The following NR5A1 variants were observed in gnomAD, a reference collection of about 807,000 sequenced individuals.
NR5A1 encodes steroidogenic factor 1.
A neutral mutation model predicts 42.7 loss-of-function variants in NR5A1; 6 were observed. The ratio of observed to expected loss-of-function variants is 0.14; its 90% CI spans 0.08 to 0.28. The LOEUF is 0.28. Among genes scored for constraint, NR5A1 ranks in the 10% least tolerant of loss-of-function variants. The pLI is 1.00. For missense variants in NR5A1, 442 were observed against 626.4 expected, an observed-to-expected ratio of 0.71 and a Z score of 3.14; for synonymous variants, 274 against 277.5, an observed-to-expected ratio of 0.99 and a Z score of 0.12.
At chr9:124,491,015 T>TCTGGCC in intron 6 of NR5A1, 66 bp downstream of exon 6, 18 of 634,814 alleles carry the variant, frequency 2.8e-5, no homozygotes, top group Non-Finnish European at 4.4e-5. Context: ...CTCTCCAGCC[T>TCTGGCC]CACCCACCCT....
rs557884806 is a variant in NR5A1, at chr9:124,503,616, C to T, written c.-15-206G>A. Reference sequence around the variant, plus strand: ...CGCGCCCGGCCTTCCCCTGCCAGGCCCCACGCTCCCGCCCCGTCCGGGGGG... The same window carrying T: ...CGCGCCCGGCCTTCCCCTGCCAGGCTCCACGCTCCCGCCCCGTCCGGGGGG... On this transcript the variant is annotated intron_variant, in intron 1 of 6. Transcript: ENST00000373588. The surrounding 1 kb of genome is among the most constrained non-coding windows in gnomAD (Gnocchi z 9.6). 5.8e-4 allele frequency among the ~76,000 whole-genome samples: 88 copies of T among 152,232 alleles called. 1 individual carries two copies. The South Asian group carries it at 0.018, about 30-fold the overall frequency.
At chr9:124,490,762 C>A (rs1223795535) in intron 6 of NR5A1, among the ~76,000 whole-genome samples, 1 of 151,926 alleles carries the variant, frequency 6.6e-6, no homozygotes, top group East Asian at 1.9e-4. Context: ...GGGTCCAGGC[C>A]CCCAGGAGGT....
chr9:124,506,413 AGGT>A lies in NR5A1; in HGVS notation c.-16+833_-16+835del, dbSNP rs1196807765. Among the ~76,000 whole-genome samples the A allele has an allele frequency of 2.0e-5, 3 of 152,254 alleles. No individual in the cohort carries two copies. In the East Asian group the frequency reaches 5.8e-4, roughly 29 times the overall value. On this transcript the variant is annotated intron_variant, in intron 1 of 6. Transcript: ENST00000373588. ...AAACAAGAGCATCTGCCCGAGCTGG[AGGT>A]GGGGGTCACTGCCGCCTCTGAACAG... is the stretch of plus-strand genomic sequence containing the variant.
Position 124,493,162 on chromosome 9 carries a change from G to A in NR5A1, c.871-13C>T, listed in dbSNP as rs189724865. ...TCTGGTCGGCCACCTGGAAGGAAGA[G>A]GCACGCGGGGGGCCGGGCTCCAGCC... On this transcript the variant is annotated splice_polypyrimidine_tract_variant and intron_variant, in intron 4 of 6. Transcript: ENST00000373588. 1,094 of 1,608,704 alleles carry A rather than the reference G, an allele frequency of 6.8e-4. 6 individuals carry two copies. In the African/African-American group the frequency reaches 0.012, roughly 18 times the overall value.
intron 6 of NR5A1, 103 bp from the exon 7 acceptor site, chr9:124,483,108 A>G (rs1832154633): frequency 6.3e-7 from 1 of 1,599,806 alleles, no homozygotes; most frequent in Non-Finnish European, 8.5e-7. Flanking sequence ...CCCTATGACC[A>G]TCAAAGACAT....
At position 124,496,842 on chromosome 9, in the gene NR5A1, C is replaced by G. The variant is rs1832397129; in HGVS notation, c.870+3248G>C. 6.6e-6 allele frequency among the ~76,000 whole-genome samples: 1 copy of G among 152,220 alleles called. No individual in the cohort carries two copies. Among genetic ancestry groups the G allele is most frequent in the Non-Finnish European group, 1.5e-5 (1 of 68,030 alleles). On this transcript the variant is annotated intron_variant, in intron 4 of 6. Coordinates refer to ENST00000373588, the MANE Select transcript of NR5A1 (RefSeq NM_004959.5). This position sits in a 1 kb window ranked among gnomAD's most constrained non-coding sequence, Gnocchi z 5.0. ...GGGCACTCCTGGCCCCCACCGTCCCCCCGGGTCCTCCCTTGCATCCTCCCA... is the reference window on the plus strand; with the variant it reads ...GGGCACTCCTGGCCCCCACCGTCCCGCCGGGTCCTCCCTTGCATCCTCCCA...
intron 6 of NR5A1, among the ~76,000 whole-genome samples, chr9:124,483,905 G>A (rs7865700): frequency 0.41 from 62,179 of 152,102 alleles, 14,208 homozygotes; most frequent in Non-Finnish European, 0.52. Context: ...CCATGGGGGA[G>A]CATGCACATT....
chr9:124,482,725 G>T lies in NR5A1; in HGVS notation c.*33C>A, dbSNP rs1394890965. ...CCGCCCAGGCCCCGCCCCCAGTCCC[G>T]CCCCCAGTCCCGGCCCCGCCCCCGG... is the stretch of plus-strand genomic sequence containing the variant. On this transcript the variant is annotated 3_prime_UTR_variant, in exon 7 of 7. Transcript: ENST00000373588. 29 of 167,034 alleles carry T rather than the reference G, an allele frequency of 1.7e-4. No individual in the cohort carries two copies. The highest frequency in any genetic ancestry group is 2.6e-4 in the South Asian group (8 of 31,200). The allele number at this position is 167,034 out of a possible 1,614,324, so 10.3% of individuals were successfully genotyped here.
chr9:124,482,868 C>A lies in NR5A1; in HGVS notation c.1276G>T (p.Val426Leu). 1 of 1,614,142 alleles carries A rather than the reference C, an allele frequency of 6.2e-7. No individual in the cohort carries two copies. The highest frequency in any genetic ancestry group is 8.5e-7 in the Non-Finnish European group (1 of 1,180,018). The part of the protein sequence containing the change: ...FQQLLLCLVE[V>L]RALSMQAKEY... ...TTGGCCTGCATGCTCAGGGCCCGCACCTCCACCAGGCACAGCAGCAGCTGC... is the reference window on the plus strand; with the variant it reads ...TTGGCCTGCATGCTCAGGGCCCGCAACTCCACCAGGCACAGCAGCAGCTGC... The change falls in exon 7 of 7, where the codon GTG becomes TTG. Residue 426 changes from valine to leucine, a missense_variant. By Grantham distance (32) the Val-to-Leu change is conservative. Coordinates refer to ENST00000373588, the MANE Select transcript of NR5A1 (RefSeq NM_004959.5).
intron 6 of NR5A1, among the ~76,000 whole-genome samples, 160 bp from the exon 7 acceptor site, chr9:124,483,165 C>T (rs1161671988): frequency 1.3e-5 from 2 of 152,200 alleles, no homozygotes; most frequent in African/African-American, 2.4e-5. Flanking sequence ...CCGTTGGCAC[C>T]GTGTCGCCAT....
Position 124,498,567 on chromosome 9 carries a change from C to T in NR5A1, c.870+1523G>A, listed in dbSNP as rs947131307. On this transcript the variant is annotated intron_variant, in intron 4 of 6. Coordinates refer to ENST00000373588, the MANE Select transcript of NR5A1 (RefSeq NM_004959.5). This position sits in a 1 kb window ranked among gnomAD's most constrained non-coding sequence, Gnocchi z 4.6. ...AATGCCCTGCTCCTCCTCCCCTCTG[C>T]ACGGGGGGTGCATGGGAAGTCTGGA... 1.2e-4 allele frequency among the ~76,000 whole-genome samples: 18 copies of T among 152,230 alleles called. No individual in the cohort carries two copies. The highest frequency in any genetic ancestry group is 1.0e-3 in the Admixed American group (16 of 15,292).
rs558295465 is a variant in NR5A1 at position 124,494,178 on chromosome 9, C to G, written c.871-1029G>C. ...GACCCAAAAGACACTTCTGGCGCAC[C>G]TTCCTGGGCCGTGCCCTATGGCAAA... On this transcript the variant is annotated intron_variant, in intron 4 of 6. Transcript: ENST00000373588. 3.9e-5 allele frequency among the ~76,000 whole-genome samples: 6 copies of G among 152,346 alleles called. No homozygotes were observed. The East Asian group carries it at 1.2e-3, about 29-fold the overall frequency.
chr9:124,502,044 C>T (rs538107319), intron 3 of NR5A1, among the ~76,000 whole-genome samples: 13 of 152,236 alleles, frequency 8.5e-5, no homozygotes, highest in African/African-American at 2.2e-4. Flanking sequence ...AAGAACATGA[C>T]GGGAAGGAAT....
chr9:124,483,935 C>T (rs150477262), intron 6 of NR5A1, among the ~76,000 whole-genome samples: 33 of 152,320 alleles, frequency 2.2e-4, no homozygotes, highest in African/African-American at 7.2e-4. Flanking sequence ...AGTGCAGATG[C>T]GCTGACATCC....
chr9:124,491,164 T>C lies in NR5A1; in HGVS notation c.1055A>G (p.Gln352Arg), dbSNP rs1588617611. 1.9e-6 allele frequency: 3 copies of C among 1,609,362 alleles called. No homozygotes were observed. Among genetic ancestry groups the C allele is most frequent in the Non-Finnish European group, 2.5e-6 (3 of 1,178,758 alleles). ...SLLHSLVLRA[Q>R]ELVLQLLALQ... is the part of the protein sequence containing the mutation. Reference sequence around the variant, plus strand: ...CGCAAGCAGCTGCAGCACCAGCTCCTGCGCCCGCAACACCAGGCTGTGCAG... The same window carrying C: ...CGCAAGCAGCTGCAGCACCAGCTCCCGCGCCCGCAACACCAGGCTGTGCAG... The change falls in exon 6 of 7, where the codon CAG becomes CGG. Residue 352 changes from glutamine (Q) to arginine (R), a missense_variant. By Grantham distance (43) the Gln-to-Arg change is conservative. Coordinates refer to ENST00000373588, the MANE Select transcript of NR5A1 (RefSeq NM_004959.5).
At chr9:124,495,113 C>T (rs1832371053) in intron 4 of NR5A1, among the ~76,000 whole-genome samples, 1 of 152,196 alleles carries the variant, frequency 6.6e-6, no homozygotes, top group South Asian at 2.1e-4. Flanking sequence ...CCTCCATCCA[C>T]ACCTCACCTC....
At chr9:124,499,971 C>T (rs1057219558) in intron 4 of NR5A1, 119 bp downstream of exon 4, 3 of 1,497,754 alleles carry the variant, frequency 2.0e-6, no homozygotes, top group Non-Finnish European at 2.8e-6. Flanking sequence ...CCTCCGGGTC[C>T]CCAGGTACTG....
intron 1 of NR5A1, among the ~76,000 whole-genome samples, chr9:124,505,116 T>G (rs1210442006): frequency 6.6e-6 from 1 of 151,920 alleles, no homozygotes; most frequent in African/African-American, 2.4e-5. Flanking sequence ...GCTCGAGTCT[T>G]CGCCCTCATC....
chr9:124,491,036 C>CCCCCCCCCCCCGGGGG, intron 6 of NR5A1, 45 bp downstream of exon 6: 1 of 1,401,602 alleles, frequency 7.1e-7, no homozygotes, highest in Non-Finnish European at 9.6e-7. Context: ...CCCACCCACC[C>CCCCCCCCCCCCGGGGG]GCCTCTGGCT....
Sources: gnomAD v4.1 joint callset for allele counts (sites outside exome capture counted in the v4.1 genomes callset) on GRCh38, gnomAD v4.1.1 for gene constraint, Gnocchi (gnomAD v3.1) non-coding constraint, MANE v1.5 for transcripts, NCBI Gene and HGNC (gene_info 2026-07-23, HGNC 2026-07-21) for gene names.